Variants in PTGER4 observed in about 807,000 individuals in gnomAD.
The protein encoded by PTGER4 is prostaglandin E receptor 4, also known as prostaglandin E2 receptor EP4 subtype.
Under a neutral mutation model 33.2 loss-of-function variants are expected in PTGER4, and 11 were observed. That is an observed-to-expected ratio of 0.33 (90% CI 0.21 to 0.55). The LOEUF is 0.55. Ranked by LOEUF, PTGER4 falls within the 20% of genes least tolerant of loss-of-function variation. The pLI is 0.92. For missense variants in PTGER4, 481 were observed against 650.2 expected (o/e 0.74, Z 2.83); for synonymous variants, 275 against 281.5 (o/e 0.98, Z 0.23).
chr5:40,710,076 G>A, the PTGER4 span, among the ~76,000 whole-genome samples: 5 of 152,144 alleles, frequency 3.3e-5, no homozygotes, highest in Non-Finnish European at 7.3e-5. Context: ...ATTGACAAAT[G>A]GGATCTAATT....
the PTGER4 span, among the ~76,000 whole-genome samples, chr5:40,722,814 G>A: frequency 6.6e-6 from 1 of 150,550 alleles, no homozygotes; most frequent in Admixed American, 6.6e-5. Context: ...CATCCGGGAG[G>A]TGGGGGGCGC....
At chr5:40,744,493 T>TTG in the PTGER4 span, among the ~76,000 whole-genome samples, 8 of 151,402 alleles carry the variant, frequency 5.3e-5, no homozygotes, top group Admixed American at 2.0e-4. Flanking sequence ...ACCAGTTTTT[T>TTG]TTTTTTTTTT....
At chr5:40,689,679 G>A (rs1051978734) in intron 2 of PTGER4, among the ~76,000 whole-genome samples, 2 of 152,030 alleles carry the variant, frequency 1.3e-5, no homozygotes, top group Admixed American at 6.6e-5. Context: ...TCATTGTTAC[G>A]CTGTATATAG....
the PTGER4 span, among the ~76,000 whole-genome samples, chr5:40,738,382 T>C: frequency 6.6e-6 from 1 of 150,498 alleles, no homozygotes; most frequent in African/African-American, 2.5e-5. Flanking sequence ...GCCACTGCAG[T>C]CCAGCCTGGG....
chr5:40,730,120 T>C, the PTGER4 span: 1 of 620,344 alleles, frequency 1.6e-6, no homozygotes, highest in East Asian at 2.8e-5. Context: ...GAACCATAAA[T>C]AATGGTGAAA....
chr5:40,697,453 C>T (rs1368143745), downstream of PTGER4, among the ~76,000 whole-genome samples: 5 of 151,610 alleles, frequency 3.3e-5, no homozygotes, highest in East Asian at 3.9e-4. Flanking sequence ...GGCGTGGTGG[C>T]GCATGCCTGT....
Position 40,692,075 on chromosome 5 carries a change from C to A in PTGER4, c.1164C>A (p.Ile388=). ...RSFISRELKE[I]SSTSQTLLPD... is the part of the protein sequence containing the mutation. ...TCATCTCCCGGGAGCTGAAGGAGATCAGCAGTACATCTCAGACCCTCCTGC... is the reference window on the plus strand; with the variant it reads ...TCATCTCCCGGGAGCTGAAGGAGATAAGCAGTACATCTCAGACCCTCCTGC... The change falls in exon 3 of 3, where the codon ATC becomes ATA. Residue 388 remains isoleucine (I), a synonymous_variant. Transcript: ENST00000302472. 1 of 1,614,228 alleles carries A rather than the reference C, an allele frequency of 6.2e-7. No homozygotes were observed. Among genetic ancestry groups the A allele is most frequent in the South Asian group, 1.1e-5 (1 of 91,080 alleles).
In PTGER4 at chr5:40,681,708, CG is replaced by C; in HGVS notation, c.719del (p.Gly240AlafsTer81). The C allele has an allele frequency of 6.3e-7, 1 of 1,586,440 alleles. No homozygotes were observed. Among genetic ancestry groups the C allele is most frequent in the Non-Finnish European group, 8.5e-7 (1 of 1,170,880 alleles). ...HAAAAASVASRGHPAASPALP... is the reference protein window; with the variant it reads ...HAAAAASVASXGHPAASPALP... Reference sequence around the variant, plus strand: ...GGCCGCGGCCGCCTCGGTTGCCTCCCGGGGCCACCCCGCTGCCTCCCCAGCC... The same window carrying C: ...GGCCGCGGCCGCCTCGGTTGCCTCCCGGGCCACCCCGCTGCCTCCCCAGCC... On this transcript the variant is annotated frameshift_variant, in exon 2 of 3. Transcript: ENST00000302472. LOFTEE classifies it high-confidence loss of function. The surrounding 1 kb of genome is among the most constrained non-coding windows in gnomAD (Gnocchi z 9.8).
the PTGER4 span, among the ~76,000 whole-genome samples, chr5:40,713,191 T>G: frequency 6.6e-6 from 1 of 152,150 alleles, no homozygotes; most frequent in African/African-American, 2.4e-5. Flanking sequence ...ATTTAGATAT[T>G]AATACATGTA....
chr5:40,694,715 AAT>A (rs1358479726), downstream of PTGER4, among the ~76,000 whole-genome samples: 1 of 152,176 alleles, frequency 6.6e-6, no homozygotes, highest in Admixed American at 6.5e-5. Flanking sequence ...CTTCTCTCCA[AAT>A]ATAGTCACAA....
the PTGER4 span, among the ~76,000 whole-genome samples, chr5:40,707,421 A>G: frequency 6.6e-6 from 1 of 152,216 alleles, no homozygotes; most frequent in Non-Finnish European, 1.5e-5. Context: ...ACAAAGATCA[A>G]AAGAGACAAA....
chr5:40,745,811 C>T, the PTGER4 span, among the ~76,000 whole-genome samples: 15 of 151,684 alleles, frequency 9.9e-5, no homozygotes, highest in South Asian at 4.2e-4. Context: ...CATAGCTCAC[C>T]GCATCCTCGA....
chr5:40,733,882 G>A, the PTGER4 span, among the ~76,000 whole-genome samples: 1 of 152,158 alleles, frequency 6.6e-6, no homozygotes, highest in Non-Finnish European at 1.5e-5. Context: ...AGGTATGCAT[G>A]TGTGCATATA....
rs888549091 is a variant in PTGER4 at position 40,681,750 on chromosome 5, G to A, written c.757G>A (p.Asp253Asn). The change falls in exon 2 of 3, where the codon GAC (aspartate) becomes AAC (asparagine). Residue 253 changes from aspartate to asparagine, a missense_variant. By Grantham distance (23) the Asp-to-Asn change is conservative. Around this residue, in one of 7 missense-constraint regions of PTGER4, gnomAD observed 174 missense variants for 210.5 expected, o/e 0.83. Coordinates refer to ENST00000302472, the MANE Select transcript of PTGER4 (RefSeq NM_000958.3). The surrounding 1 kb of genome is among the most constrained non-coding windows in gnomAD (Gnocchi z 9.8). ...AASPALPRLSDFRRRRSFRRI... is the reference protein window; with the variant it reads ...AASPALPRLSNFRRRRSFRRI... ...CTCCCCAGCCTTGCCGCGCCTCAGC[G>A]ACTTTCGGCGCCGCCGGAGCTTCCG... The A allele has an allele frequency of 1.9e-6, 3 of 1,595,372 alleles. No homozygotes were observed. Among genetic ancestry groups the A allele is most frequent in the Non-Finnish European group, 2.6e-6 (3 of 1,175,418 alleles).
At chr5:40,744,439 C>A in the PTGER4 span, among the ~76,000 whole-genome samples, 5 of 147,356 alleles carry the variant, frequency 3.4e-5, no homozygotes, top group Non-Finnish European at 5.9e-5. Flanking sequence ...AACTTTGATT[C>A]ATGTTTACAA....
the PTGER4 span, among the ~76,000 whole-genome samples, chr5:40,722,530 A>T: frequency 6.8e-6 from 1 of 148,030 alleles, no homozygotes; most frequent in Non-Finnish European, 1.5e-5. Context: ...CCCGTCTGGA[A>T]TGTGAGGAGC....
At chr5:40,720,435 T>C in the PTGER4 span, among the ~76,000 whole-genome samples, 1 of 152,358 alleles carries the variant, frequency 6.6e-6, no homozygotes, top group South Asian at 2.1e-4. Flanking sequence ...TACTATACTG[T>C]CTTGATTACT....
the PTGER4 span, among the ~76,000 whole-genome samples, chr5:40,720,206 T>C: frequency 6.6e-6 from 1 of 152,212 alleles, no homozygotes; most frequent in East Asian, 1.9e-4. Flanking sequence ...TCTTTGTTTG[T>C]TTTTGAGTTA....
the PTGER4 span, chr5:40,715,425 GATTA>G: frequency 3.3e-5 from 5 of 152,160 alleles, no homozygotes; most frequent in Non-Finnish European, 7.4e-5. Context: ...TTGTGGTAAG[GATTA>G]CTTACTGTAA....
Sources: gnomAD v4.1 joint callset for allele counts (sites outside exome capture counted in the v4.1 genomes callset) on GRCh38, gnomAD v4.1.1 for gene constraint, gnomAD v4.1.1 regional missense constraint, Gnocchi (gnomAD v3.1) non-coding constraint, MANE v1.5 for transcripts, NCBI Gene and HGNC (gene_info 2026-07-23, HGNC 2026-07-21) for gene names.